CNTNAP1: variants seen among roughly 807,000 people sequenced by gnomAD.
The protein encoded by CNTNAP1 is contactin associated protein 1.
CNTNAP1 carries 80 observed loss-of-function variants against 161.5 expected under a neutral mutation model. The observed-to-expected ratio is 0.50, with a 90% CI of 0.41 to 0.60. CNTNAP1 has a LOEUF of 0.60. CNTNAP1 is among the 20% of genes least tolerant of loss of function. CNTNAP1 has a pLI of 0.00. For missense variants in CNTNAP1, 1,464 were observed against 1,854.8 expected (o/e 0.79, Z 3.87); for synonymous variants, 695 against 733.1 (o/e 0.95, Z 0.84).
At chr17:42,693,177 T>C in intron 17 of CNTNAP1, 120 bp from the exon 18 acceptor site, 2 of 1,189,218 alleles carry the variant, frequency 1.7e-6, no homozygotes, top group East Asian at 4.8e-5. Flanking sequence ...GCCAGGATGG[T>C]CTCGATCTCC....
In CNTNAP1 at chr17:42,691,791, C is replaced by T; in HGVS notation, c.2345-15C>T. On this transcript the variant is annotated splice_polypyrimidine_tract_variant and intron_variant, in intron 15 of 23. Coordinates refer to ENST00000264638, the MANE Select transcript of CNTNAP1 (RefSeq NM_003632.3). The surrounding 1 kb of genome is among the most constrained non-coding windows in gnomAD (Gnocchi z 4.3). ...CAATCTCCCTGACAAGACCTTCCTC[C>T]ATCTGCTTTTCTAGGAAATTCCTGG... 1.2e-6 allele frequency: 2 copies of T among 1,613,478 alleles called. No homozygotes were observed. The highest frequency in any genetic ancestry group is 1.7e-6 in the Non-Finnish European group (2 of 1,179,518).
At chr17:42,697,501 G>C (rs1307621784) in intron 21 of CNTNAP1, 53 bp from the exon 22 acceptor site, 11 of 1,610,668 alleles carry the variant, frequency 6.8e-6, no homozygotes, top group Non-Finnish European at 9.3e-6. Flanking sequence ...GACAGTGAGA[G>C]TGGCAGGGCC....
chr17:42,690,682 G>A, intron 12 of CNTNAP1, 57 bp from the exon 13 acceptor site: 1 of 1,553,976 alleles, frequency 6.4e-7, no homozygotes, highest in Non-Finnish European at 8.8e-7. Context: ...GGTGGGCAGG[G>A]AGATGGGTAG....
Position 42,691,678 on chromosome 17 carries a change from C to CT in CNTNAP1, c.2345-126dup. ...ACCTGGCTCCTCTTTCATTCCACTCCTTAGTCTCCCCTCCGTCACCTCAAA... is the reference window on the plus strand; with the variant it reads ...ACCTGGCTCCTCTTTCATTCCACTCCTTTAGTCTCCCCTCCGTCACCTCAAA... On this transcript the variant is annotated intron_variant, in intron 15 of 23. Transcript: ENST00000264638. This position sits in a 1 kb window ranked among gnomAD's most constrained non-coding sequence, Gnocchi z 4.3. 1 of 1,345,026 alleles carries CT rather than the reference C, an allele frequency of 7.4e-7. No homozygotes were observed. The highest frequency in any genetic ancestry group is 1.8e-5 in the Admixed American group (1 of 54,394). 83.3% of individuals were successfully genotyped at this position (1,345,026 alleles called of 1,614,324 possible). A position where few individuals can be genotyped will look rare whatever the true frequency, so the allele number is the denominator to read the frequency against.
chr17:42,685,029 C>G lies in CNTNAP1; in HGVS notation c.402C>G (p.Arg134=). The change falls in exon 4 of 24, where the codon CGC becomes CGG. Residue 134 remains arginine (R), a synonymous_variant. Transcript: ENST00000264638. The surrounding 1 kb of genome is among the most constrained non-coding windows in gnomAD (Gnocchi z 5.0). ...FGNVNESAVV[R]HDLHFHFTAR... ...ACGTGAACGAGTCGGCGGTGGTGCG[C>G]CATGACCTGCACTTCCACTTCACTG... 6.3e-7 allele frequency: 1 copy of G among 1,596,696 alleles called. No homozygotes were observed. The highest frequency in any genetic ancestry group is 8.5e-7 in the Non-Finnish European group (1 of 1,173,570).
At chr17:42,683,550 A>C (rs1220517421) in intron 1 of CNTNAP1, 1 of 1,317,674 alleles carries the variant, frequency 7.6e-7, no homozygotes, top group African/African-American at 1.5e-5. Flanking sequence ...GTACTAAACC[A>C]GGGCAGGTAT....
rs906470963 is a variant in CNTNAP1, at chr17:42,695,853, G to A, written c.3325G>A (p.Ala1109Thr). The A allele has an allele frequency of 1.9e-6, 3 of 1,613,336 alleles. No homozygotes were observed. The African/African-American group carries it at 4.0e-5, about 22-fold the overall frequency. ...CAGTTCCTTTGTTCGTGACTACATG[G>A]CTGTGCTCATCAAGGATGATGGTAA... ...YVSSFVRDYM[A>T]VLIKDDGTLQ... Residue 1109 changes from alanine to threonine, a missense_variant, in exon 19 of 24, where the codon GCT becomes ACT. By Grantham distance (58) the Ala-to-Thr change is moderately conservative. Coordinates refer to ENST00000264638, the MANE Select transcript of CNTNAP1 (RefSeq NM_003632.3).
At chr17:42,698,576 T>G in intron 23 of CNTNAP1, 42 bp from the exon 24 acceptor site, 42 of 1,464,796 alleles carry the variant, frequency 2.9e-5, no homozygotes, top group Non-Finnish European at 3.6e-5. Flanking sequence ...TGTATACAGG[T>G]GAGATCCCAA....
intron 23 of CNTNAP1, 63 bp downstream of exon 23, chr17:42,698,013 C>T: frequency 1.3e-6 from 2 of 1,576,478 alleles, no homozygotes; most frequent in South Asian, 2.2e-5. Context: ...AGCATCCTTT[C>T]CCTGCCCCTG....
intron 20 of CNTNAP1, 28 bp from the exon 21 acceptor site, chr17:42,697,246 G>GCCCCCCCC: frequency 6.6e-7 from 1 of 1,526,162 alleles, no homozygotes; most frequent in South Asian, 1.1e-5. Flanking sequence ...CTCCCTCATC[G>GCCCCCCCC]CCCTCCCCCT....
At chr17:42,697,203 G>A (rs779674332) in intron 20 of CNTNAP1, 71 bp from the exon 21 acceptor site, 30 of 1,072,548 alleles carry the variant, frequency 2.8e-5, no homozygotes, top group Non-Finnish European at 4.2e-5. Context: ...CACAGTTCCA[G>A]TCCAGCCCAC....
Position 42,690,159 on chromosome 17 carries a change from G to A in CNTNAP1, c.1807G>A (p.Asp603Asn). Residue 603 changes from aspartate to asparagine, a missense_variant, in exon 12 of 24, where the codon GAT becomes AAT. This residue lies in a region of CNTNAP1 where 1,383 missense variants were observed against 1,765.0 expected (regional missense o/e 0.78). Coordinates refer to ENST00000264638, the MANE Select transcript of CNTNAP1 (RefSeq NM_003632.3). The part of the protein sequence containing the change: ...KTSGNFTIDP[D>N]GSGPLKPFVV... ...TTCTGGAAACTTCACCATTGATCCT[G>A]ATGGCAGTGGCCCCCTGAAGCCATT... 3 of 1,614,094 alleles carry A rather than the reference G, an allele frequency of 1.9e-6. No individual in the cohort carries two copies. The highest frequency in any genetic ancestry group is 2.5e-6 in the Non-Finnish European group (3 of 1,179,980).
rs563501193 is a variant in CNTNAP1, at chr17:42,685,429, G to A, written c.715+9G>A. On this transcript the variant is annotated intron_variant, in intron 5 of 23. Coordinates refer to ENST00000264638, the MANE Select transcript of CNTNAP1 (RefSeq NM_003632.3). The surrounding 1 kb of genome is among the most constrained non-coding windows in gnomAD (Gnocchi z 5.0). ...GCTGCACATGAGCCTGGGTGAGCTC[G>A]GCGACCATGTGCGATGCGGAGCCAA... 6.3e-6 allele frequency: 10 copies of A among 1,598,718 alleles called. No homozygotes were observed. The highest frequency in any genetic ancestry group is 6.8e-6 in the Non-Finnish European group (8 of 1,178,534).
At position 42,695,825 on chromosome 17, in the gene CNTNAP1, C is replaced by A. The variant is rs199565455; in HGVS notation, c.3297C>A (p.Tyr1099Ter). The A allele has an allele frequency of 6.2e-7, 1 of 1,614,068 alleles. No individual in the cohort carries two copies. Among genetic ancestry groups the A allele is most frequent in the African/African-American group, 1.3e-5 (1 of 74,908 alleles). Residue 1099 changes from tyrosine (Y) to a stop codon, truncating the protein, a stop_gained, in exon 19 of 24, where the codon TAC (tyrosine) becomes TAA (stop). Coordinates refer to ENST00000264638, the MANE Select transcript of CNTNAP1 (RefSeq NM_003632.3). LOFTEE classifies it high-confidence loss of function. Reference protein sequence around the residue: ...STSSAPAVLLYVSSFVRDYMA... With the variant: ...STSSAPAVLL ...GCTCCGCCCCTGCTGTCCTGCTCTA[C>A]GTCAGTTCCTTTGTTCGTGACTACA...
Position 42,682,801 on chromosome 17 carries a change from G to A in CNTNAP1, c.-29G>A. 1 of 1,552,666 alleles carries A rather than the reference G, an allele frequency of 6.4e-7. No homozygotes were observed. On this transcript the variant is annotated 5_prime_UTR_variant, in exon 1 of 24. Coordinates refer to ENST00000264638, the MANE Select transcript of CNTNAP1 (RefSeq NM_003632.3). Reference sequence around the variant, plus strand: ...AGCCCTAGCCGGAGCCGTTCACAGGGAGGCGGCTGCCGGGACCGTCAGCCC... The same window carrying A: ...AGCCCTAGCCGGAGCCGTTCACAGGAAGGCGGCTGCCGGGACCGTCAGCCC...
chr17:42,686,026 A>G lies in CNTNAP1; in HGVS notation c.785A>G (p.His262Arg). The change falls in exon 6 of 24, where the codon CAC becomes CGC. Residue 262 changes from histidine (H) to arginine (R), a missense_variant. His to Arg is a conservative substitution (Grantham distance 29, BLOSUM62 0). Around this residue, in one of 3 missense-constraint regions of CNTNAP1, gnomAD observed 1,383 missense variants for 1,765.0 expected, o/e 0.78. Transcript: ENST00000264638. ...GCAGGCGGAGTCCTCAATGACCAGCACTGGCACTATGTGCGGGTGGACCGA... is the reference window on the plus strand; with the variant it reads ...GCAGGCGGAGTCCTCAATGACCAGCGCTGGCACTATGTGCGGGTGGACCGA... ...VSAGGVLNDQ[H>R]WHYVRVDRFG... 5.0e-6 allele frequency: 8 copies of G among 1,614,132 alleles called. No homozygotes were observed. The highest frequency in any genetic ancestry group is 6.8e-6 in the Non-Finnish European group (8 of 1,180,024).
rs1179355600 is a variant in CNTNAP1 at position 42,685,725 on chromosome 17, T to C, written c.716-232T>C. ...GCACACACATTGTATCTCATTAGCT[T>C]TTCATAACACCCGCACATGAAATAG... On this transcript the variant is annotated intron_variant, in intron 5 of 23. Transcript: ENST00000264638. This position sits in a 1 kb window ranked among gnomAD's most constrained non-coding sequence, Gnocchi z 5.0. Among the ~76,000 whole-genome samples the C allele has an allele frequency of 6.6e-6, 1 of 152,246 alleles. No homozygotes were observed. The highest frequency in any genetic ancestry group is 1.9e-4 in the East Asian group (1 of 5,184).
Position 42,685,918 on chromosome 17 carries a change from C to T in CNTNAP1, c.716-39C>T, listed in dbSNP as rs2052999513. On this transcript the variant is annotated intron_variant, in intron 5 of 23. Transcript: ENST00000264638. This position sits in a 1 kb window ranked among gnomAD's most constrained non-coding sequence, Gnocchi z 5.0. ...AGGAGCTTGGACTCCATGGAGTTCTCCTGGCTTGAGGTTTCACTCTGTCCT... is the reference window on the plus strand; with the variant it reads ...AGGAGCTTGGACTCCATGGAGTTCTTCTGGCTTGAGGTTTCACTCTGTCCT... The T allele has an allele frequency of 6.2e-7, 1 of 1,605,486 alleles. No individual in the cohort carries two copies. The highest frequency in any genetic ancestry group is 1.3e-5 in the African/African-American group (1 of 74,678).
chr17:42,690,279 G>C (rs2053068264), intron 12 of CNTNAP1, 72 bp downstream of exon 12: 1 of 1,564,320 alleles, frequency 6.4e-7, no homozygotes, highest in South Asian at 1.1e-5. Context: ...GTGGGGGCCA[G>C]TTAGACTAAA....
Sources: allele counts gnomAD v4.1 joint callset (sites outside exome capture counted in the v4.1 genomes callset), GRCh38; gene constraint gnomAD v4.1.1; regional missense constraint gnomAD v4.1.1; non-coding constraint Gnocchi (gnomAD v3.1); transcripts MANE v1.5; gene names NCBI Gene and HGNC (gene_info 2026-07-23, HGNC 2026-07-21).